PPP1R9A: variants seen among roughly 807,000 people sequenced by gnomAD.
The protein encoded by PPP1R9A is neurabin-1.
Under a neutral mutation model 141.9 loss-of-function variants are expected in PPP1R9A, and 59 were observed. That is an observed-to-expected ratio of 0.42 (90% CI 0.34 to 0.52). The LOEUF (loss-of-function observed/expected upper bound fraction) is 0.52. PPP1R9A is among the 20% of genes least tolerant of loss of function. PPP1R9A has a pLI of 0.10. For synonymous variants in PPP1R9A, 500 were observed against 569.7 expected (o/e 0.88, Z 1.74); for missense variants, 1,444 against 1,611.9 (o/e 0.90, Z 1.78).
intron 2 of PPP1R9A, among the ~76,000 whole-genome samples, chr7:94,943,486 A>G (rs1052174184): frequency 2.0e-5 from 3 of 152,226 alleles, no homozygotes; most frequent in Non-Finnish European, 4.4e-5. Context: ...AAAATGGGGG[A>G]AAAAGTAAGG....
intron 2 of PPP1R9A, among the ~76,000 whole-genome samples, chr7:95,000,313 A>G (rs560732459): frequency 6.6e-6 from 1 of 152,294 alleles, no homozygotes; most frequent in African/African-American, 2.4e-5. Flanking sequence ...GGCCTAACAG[A>G]TCTCAAGAAA....
chr7:95,184,098 C>T (rs932846748), intron 5 of PPP1R9A, among the ~76,000 whole-genome samples: 1 of 152,146 alleles, frequency 6.6e-6, no homozygotes, highest in Admixed American at 6.5e-5. Context: ...GGACTTTTAA[C>T]TCTTAACTAC....
At chr7:95,272,502 G>A (rs573333585) in intron 14 of PPP1R9A, among the ~76,000 whole-genome samples, 6 of 152,214 alleles carry the variant, frequency 3.9e-5, no homozygotes, top group Middle Eastern at 6.8e-3. Context: ...GCTTGAAGTG[G>A]ATTTTTGACA....
rs561973443 is a variant in PPP1R9A, at chr7:95,118,297, A to G, written c.1529-2415A>G. 1.1e-4 allele frequency among the ~76,000 whole-genome samples: 17 copies of G among 152,370 alleles called. 1 individual carries two copies. The highest frequency in any genetic ancestry group is 3.4e-3 in the Middle Eastern group (1 of 294). Reference sequence around the variant, plus strand: ...AATCCTCTTGATGAAATCAGTCTTTATACCAGAGAAACAATTTGAATAAAT... The same window carrying G: ...AATCCTCTTGATGAAATCAGTCTTTGTACCAGAGAAACAATTTGAATAAAT... On this transcript the variant is annotated intron_variant, in intron 3 of 19. Transcript: ENST00000433360.
At chr7:94,964,303 A>T (rs1797967865) in intron 2 of PPP1R9A, among the ~76,000 whole-genome samples, 1 of 152,034 alleles carries the variant, frequency 6.6e-6, no homozygotes, top group African/African-American at 2.4e-5. Context: ...TTAGATAATT[A>T]TCTGGGAGTG....
At chr7:95,198,232 G>A in intron 5 of PPP1R9A, 117 bp from the exon 6 acceptor site, 2 of 897,288 alleles carry the variant, frequency 2.2e-6, no homozygotes, top group East Asian at 6.0e-5. Context: ...AAGTACGTAG[G>A]TGATATTACT....
chr7:95,252,204 C>A, intron 12 of PPP1R9A, 74 bp downstream of exon 12: 5 of 1,410,836 alleles, frequency 3.5e-6, no homozygotes, highest in South Asian at 3.7e-5. Flanking sequence ...TTTTTCTGAC[C>A]CAGAGATTTA....
intron 9 of PPP1R9A, 44 bp from the exon 10 acceptor site, chr7:95,249,982 A>G (rs1585457525): frequency 6.6e-7 from 1 of 1,504,198 alleles, no homozygotes; most frequent in East Asian, 2.4e-5. Flanking sequence ...TTTTTGCCAC[A>G]AAAGTGGCCA....
chr7:95,203,614 C>A, intron 6 of PPP1R9A, 51 bp from the exon 7 acceptor site: 2 of 1,366,510 alleles, frequency 1.5e-6, no homozygotes, highest in South Asian at 2.5e-5. Context: ...TCAGGCTGCT[C>A]TCTGCGGTGG....
chr7:95,128,867 C>T (rs779589091), intron 4 of PPP1R9A, among the ~76,000 whole-genome samples: 1 of 152,200 alleles, frequency 6.6e-6, no homozygotes, highest in Non-Finnish European at 1.5e-5. Context: ...CATGAGCCAT[C>T]ATGCCCGGCC....
chr7:95,169,500 T>C (rs1831789408), intron 5 of PPP1R9A, among the ~76,000 whole-genome samples: 2 of 151,888 alleles, frequency 1.3e-5, no homozygotes, highest in Non-Finnish European at 1.5e-5. Context: ...TAACAATGTA[T>C]GTATATTACA....
chr7:95,008,491 T>A lies in PPP1R9A; in HGVS notation c.1395+96983T>A, dbSNP rs558234073. On this transcript the variant is annotated intron_variant, in intron 2 of 19. Coordinates refer to ENST00000433360, the MANE Select transcript of PPP1R9A (RefSeq NM_001166160.2). ...TTGCAGTAACAAATCCACACTTTAA[T>A]GGCTCAGTTCAGTAAAGTTTATTTC... Among the ~76,000 whole-genome samples the A allele has an allele frequency of 3.3e-5, 5 of 152,290 alleles. No individual in the cohort carries two copies. The South Asian group carries it at 1.0e-3, about 32-fold the overall frequency.
intron 2 of PPP1R9A, among the ~76,000 whole-genome samples, chr7:94,986,311 T>C (rs1800824866): frequency 6.6e-6 from 1 of 152,156 alleles, no homozygotes; most frequent in African/African-American, 2.4e-5. Flanking sequence ...GATTAAAATA[T>C]TGACATTCAG....
At chr7:95,204,537 T>C (rs1335689345) in intron 7 of PPP1R9A, among the ~76,000 whole-genome samples, 1 of 151,872 alleles carries the variant, frequency 6.6e-6, no homozygotes, top group Non-Finnish European at 1.5e-5. Flanking sequence ...TGGAAAACAT[T>C]CCGTTTAAGA....
chr7:95,231,194 G>T (rs755618759), intron 8 of PPP1R9A, among the ~76,000 whole-genome samples: 1 of 152,112 alleles, frequency 6.6e-6, no homozygotes, highest in Non-Finnish European at 1.5e-5. Flanking sequence ...AGTCCAACAA[G>T]AAAATATTAC....
intron 4 of PPP1R9A, among the ~76,000 whole-genome samples, chr7:95,140,778 T>G (rs1028721872): frequency 6.6e-6 from 1 of 152,212 alleles, no homozygotes. Context: ...AGTGGCACAG[T>G]CTTGGCTCAC....
At chr7:95,168,720 C>T (rs1449920478) in intron 5 of PPP1R9A, among the ~76,000 whole-genome samples, 3 of 151,798 alleles carry the variant, frequency 2.0e-5, no homozygotes, top group South Asian at 2.1e-4. Flanking sequence ...ATTAAAAAGT[C>T]GGCAAAGGAT....
chr7:94,932,768 T>TC (rs1320309218), intron 2 of PPP1R9A, among the ~76,000 whole-genome samples: 7 of 147,350 alleles, frequency 4.8e-5, no homozygotes, highest in African/African-American at 1.7e-4. Flanking sequence ...GAAGCATTTT[T>TC]TTTTTTTTTT....
At chr7:95,079,120 AC>A (rs1208828115) in intron 2 of PPP1R9A, among the ~76,000 whole-genome samples, 4 of 152,182 alleles carry the variant, frequency 2.6e-5, no homozygotes, top group African/African-American at 9.7e-5. Context: ...TTTAGGTCTA[AC>A]GTTTAAGTCT....
Sources: allele counts gnomAD v4.1 joint callset (sites outside exome capture counted in the v4.1 genomes callset), GRCh38; gene constraint gnomAD v4.1.1; transcripts MANE v1.5; gene names NCBI Gene and HGNC (gene_info 2026-07-23, HGNC 2026-07-21).